The following CDH13 variants were observed in gnomAD, a reference collection of about 807,000 sequenced individuals.
CDH13 encodes cadherin-13.
In CDH13, 24 loss-of-function variants were observed where a neutral mutation model predicts 63.8. The observed-to-expected ratio is 0.38, with a 90% CI of 0.27 to 0.53. The LOEUF is 0.53. Ranked by LOEUF, CDH13 falls within the 20% of genes least tolerant of loss-of-function variation. CDH13 has a pLI of 0.85. For missense variants in CDH13, 1,049 were observed against 903.1 expected (o/e 1.16, Z -2.07); for synonymous variants, 503 against 355.3 (o/e 1.42, Z -4.67).
intron 1 of CDH13, among the ~76,000 whole-genome samples, chr16:82,739,595 G>C (rs1288454567): frequency 1.3e-5 from 2 of 152,156 alleles, no homozygotes; most frequent in Non-Finnish European, 2.9e-5. Flanking sequence ...GTTAAGGGAA[G>C]AAGTGCTATT....
intron 1 of CDH13, among the ~76,000 whole-genome samples, chr16:82,628,737 C>T (rs944962333): frequency 6.6e-6 from 1 of 152,132 alleles, no homozygotes; most frequent in African/African-American, 2.4e-5. Flanking sequence ...GTCCTGTACC[C>T]TAGAGACCCC....
intron 6 of CDH13, among the ~76,000 whole-genome samples, chr16:83,363,951 G>T (rs1481919751): frequency 6.6e-6 from 1 of 152,156 alleles, no homozygotes; most frequent in Non-Finnish European, 1.5e-5. Flanking sequence ...AGGGGAGTTT[G>T]TGAGCAATTT....
intron 10 of CDH13, chr16:83,717,850 C>G (rs372393002): frequency 6.6e-6 from 1 of 152,198 alleles, no homozygotes; most frequent in Non-Finnish European, 1.5e-5. Flanking sequence ...TTTTCTTTCA[C>G]GCAAACCCCA....
chr16:83,147,738 G>C lies in CDH13; in HGVS notation c.483+22237G>C, dbSNP rs539087005. Among the ~76,000 whole-genome samples, 273 of 152,102 alleles carry C rather than the reference G, an allele frequency of 1.8e-3. 2 individuals carry two copies. Among genetic ancestry groups the C allele is most frequent in the African/African-American group, 6.3e-3 (263 of 41,500 alleles). On this transcript the variant is annotated intron_variant, in intron 4 of 13. Transcript: ENST00000567109. ...CCCTAGGTTGCTACACATTCCCCTA[G>C]AGGGCTTTTGTTTGTCCACCTGAGT...
chr16:83,426,090 A>C (rs1452399349), intron 6 of CDH13, among the ~76,000 whole-genome samples: 1 of 152,194 alleles, frequency 6.6e-6, no homozygotes, highest in Admixed American at 6.5e-5. Context: ...AGGAGAAATC[A>C]GTATTCCCAG....
chr16:83,777,111 A>T (rs1362318818), intron 11 of CDH13, among the ~76,000 whole-genome samples: 1 of 152,166 alleles, frequency 6.6e-6, no homozygotes. Flanking sequence ...AGCTGCACAC[A>T]TCATGCCTCT....
intron 2 of CDH13, among the ~76,000 whole-genome samples, chr16:82,912,802 G>T (rs1468972556): frequency 6.6e-6 from 1 of 152,128 alleles, no homozygotes; most frequent in East Asian, 1.9e-4. Flanking sequence ...TATTAGCTGG[G>T]CGTGGTGGCG....
chr16:83,748,330 C>G, intron 11 of CDH13, 80 bp downstream of exon 11: 1 of 1,314,260 alleles, frequency 7.6e-7, no homozygotes, highest in Non-Finnish European at 1.0e-6. Flanking sequence ...TCTTCTGATA[C>G]ACCCAGGGGT....
chr16:82,944,022 G>A (rs7189754), intron 2 of CDH13, among the ~76,000 whole-genome samples: 47,404 of 152,010 alleles, frequency 0.31, 8,691 homozygotes, highest in African/African-American at 0.51. Context: ...CCCTTTATCA[G>A]CTGAGTCCCC....
At chr16:83,511,074 ATGCACG>A (rs1160999845) in intron 7 of CDH13, among the ~76,000 whole-genome samples, 1 of 21,660 alleles carries the variant, frequency 4.6e-5, no homozygotes, top group African/African-American at 2.9e-4. Context: ...ACGCACACAC[ATGCACG>A]CATGCACACA....
At chr16:83,548,726 C>T (rs997342714) in intron 7 of CDH13, among the ~76,000 whole-genome samples, 1 of 151,290 alleles carries the variant, frequency 6.6e-6, no homozygotes, top group Admixed American at 6.6e-5. Context: ...ACAAGGCAGC[C>T]TTTTTTTTTC....
chr16:83,196,920 C>A (rs566098002), intron 4 of CDH13, among the ~76,000 whole-genome samples: 61 of 152,214 alleles, frequency 4.0e-4, no homozygotes, highest in African/African-American at 1.4e-3. Context: ...ACCATGGAAC[C>A]CAGCAATTGC....
intron 10 of CDH13, among the ~76,000 whole-genome samples, chr16:83,720,494 G>C (rs1909546436): frequency 6.6e-6 from 1 of 152,110 alleles, no homozygotes. Flanking sequence ...TCATAATCCT[G>C]CTCTTTGGGA....
At chr16:82,683,377 C>T (rs772204668) in intron 1 of CDH13, among the ~76,000 whole-genome samples, 2 of 152,184 alleles carry the variant, frequency 1.3e-5, no homozygotes, top group Admixed American at 6.5e-5. Flanking sequence ...ATCTGACTTG[C>T]TGAGCTCACT....
intron 3 of CDH13, among the ~76,000 whole-genome samples, chr16:83,117,076 T>A (rs1269463277): frequency 1.3e-5 from 2 of 152,232 alleles, no homozygotes; most frequent in Non-Finnish European, 2.9e-5. Context: ...GAAATCCAAC[T>A]AATTTATTTA....
At chr16:83,164,081 A>G (rs2037559609) in intron 4 of CDH13, among the ~76,000 whole-genome samples, 1 of 152,062 alleles carries the variant, frequency 6.6e-6, no homozygotes, top group Admixed American at 6.6e-5. Context: ...ACTGATCGGG[A>G]AAAAAATGAA....
chr16:82,953,777 A>T (rs1905637480), intron 2 of CDH13: 1 of 152,236 alleles, frequency 6.6e-6, no homozygotes, highest in South Asian at 2.1e-4. Context: ...AGGAAAGCCA[A>T]GACAGGCTTC....
At chr16:83,660,976 C>T (rs1382485977) in intron 8 of CDH13, among the ~76,000 whole-genome samples, 1 of 151,554 alleles carries the variant, frequency 6.6e-6, no homozygotes, top group South Asian at 2.1e-4. Context: ...ATTTTTCTGT[C>T]ACCATCTAAT....
chr16:82,941,140 G>C (rs1020507698), intron 2 of CDH13, among the ~76,000 whole-genome samples: 1 of 152,208 alleles, frequency 6.6e-6, no homozygotes, highest in South Asian at 2.1e-4. Context: ...GCTGACCAGA[G>C]TGAACAAAAT....
Sources: allele counts gnomAD v4.1 joint callset (sites outside exome capture counted in the v4.1 genomes callset), GRCh38; gene constraint gnomAD v4.1.1; transcripts MANE v1.5; gene names NCBI Gene and HGNC (gene_info 2026-07-23, HGNC 2026-07-21).